ZSCAN5C: variants seen among roughly 807,000 people sequenced by gnomAD.
ZSCAN5C encodes the protein zinc finger and SCAN domain containing 5C.
In ZSCAN5C, 11 loss-of-function variants were observed where a neutral mutation model predicts 17.3. The observed-to-expected ratio is 0.64, with a 90% CI of 0.40 to 1.06. ZSCAN5C has a LOEUF of 1.06. Ranked by LOEUF, ZSCAN5C falls within the 50% of genes least tolerant of loss-of-function variation. The pLI is 0.00. For missense variants in ZSCAN5C, 698 were observed against 538.9 expected (o/e 1.30, Z -2.92); for synonymous variants, 229 against 208.4 (o/e 1.10, Z -0.85).
At chr19:56,208,786 G>A (rs1014260062) in exon 5 of ZSCAN5C, 2 of 1,586,254 alleles carry the variant, frequency 1.3e-6, no homozygotes, top group East Asian at 2.2e-5. Flanking sequence ...TTGCATGTGA[G>A]GTGTGCGGCA....
At chr19:56,205,932 T>A (rs750942557) in exon 2 of ZSCAN5C, 2 of 1,251,950 alleles carry the variant, frequency 1.6e-6, no homozygotes, top group Non-Finnish European at 1.2e-6. Context: ...AAATTGCACA[T>A]CCTCATGGAG....
chr19:56,207,824 T>C (rs1395494577), intron 3 of ZSCAN5C, among the ~76,000 whole-genome samples: 1 of 151,700 alleles, frequency 6.6e-6, no homozygotes, highest in Non-Finnish European at 1.5e-5. Flanking sequence ...TGCCAGGGGT[T>C]AGGGGCCTCC....
exon 2 of ZSCAN5C, chr19:56,206,050 A>C (rs113755664): frequency 1.2e-6 from 2 of 1,613,170 alleles, no homozygotes; most frequent in Non-Finnish European, 1.7e-6. Flanking sequence ...TGTCACGTGA[A>C]CTTCAGGATG....
At chr19:56,205,077 G>C (rs1340090461) in intron 1 of ZSCAN5C, among the ~76,000 whole-genome samples, 1 of 151,654 alleles carries the variant, frequency 6.6e-6, no homozygotes, top group African/African-American at 2.4e-5. Flanking sequence ...GGGCTGGGGT[G>C]GGTGGGCAGG....
intron 2 of ZSCAN5C, among the ~76,000 whole-genome samples, chr19:56,206,607 G>T (rs1217362587): frequency 6.6e-6 from 1 of 151,758 alleles, no homozygotes; most frequent in African/African-American, 2.4e-5. Context: ...AGGCAGAGGG[G>T]GTACAGGGAC....
chr19:56,205,817 A>G (rs1446291204), exon 2 of ZSCAN5C: 1 of 614,148 alleles, frequency 1.6e-6, no homozygotes, highest in Non-Finnish European at 2.9e-6. Flanking sequence ...TCTATTACTG[A>G]GAAAAACCAG....
At position 56,208,435 on chromosome 19, in the gene ZSCAN5C, A is replaced by G. The variant is rs931688524; in HGVS notation, c.740-14A>G. On this transcript the variant is annotated splice_polypyrimidine_tract_variant and intron_variant, in intron 4 of 4. Transcript: ENST00000534327. ...GCACCTTATTAACTGTGTGTGTGGA[A>G]TCCCTTCTTCCAGCAGGGGTGGTGG... 1 of 1,279,942 alleles carries G rather than the reference A, an allele frequency of 7.8e-7. No homozygotes were observed. Among genetic ancestry groups the G allele is most frequent in the Non-Finnish European group, 1.1e-6 (1 of 896,894 alleles). The allele number at this position is 1,279,942 out of a possible 1,614,324, so 79.3% of individuals were successfully genotyped here. A position where few individuals can be genotyped will look rare whatever the true frequency, so the allele number is the denominator to read the frequency against.
exon 4 of ZSCAN5C, chr19:56,208,052 C>G: frequency 1.3e-6 from 1 of 743,416 alleles, no homozygotes; most frequent in South Asian, 1.4e-5. Context: ...CTTCCTGCTG[C>G]CAGAGACTAC....
chr19:56,205,930 C>T (rs768031218), exon 2 of ZSCAN5C: 23 of 1,235,992 alleles, frequency 1.9e-5, no homozygotes, highest in Non-Finnish European at 2.5e-5. Flanking sequence ...GCAAATTGCA[C>T]ATCCTCATGG....
chr19:56,208,088 C>T, exon 4 of ZSCAN5C: 1 of 769,152 alleles, frequency 1.3e-6, no homozygotes, highest in Non-Finnish European at 2.4e-6. Context: ...CCCAAAGGCT[C>T]TGAGACCCAA....
intron 1 of ZSCAN5C, among the ~76,000 whole-genome samples, chr19:56,205,431 A>G (rs913681634): frequency 6.6e-5 from 10 of 151,942 alleles, no homozygotes; most frequent in African/African-American, 2.4e-4. Flanking sequence ...CTTGGATCTT[A>G]TCTTGATAAG....
chr19:56,204,712 C>T (rs550741676), intron 1 of ZSCAN5C, among the ~76,000 whole-genome samples: 19 of 151,946 alleles, frequency 1.3e-4, no homozygotes, highest in African/African-American at 4.1e-4. Context: ...CAAAGTCCTT[C>T]CAGGAAGTGT....
chr19:56,208,710 A>G (rs1223904265), exon 5 of ZSCAN5C: 1 of 1,612,694 alleles, frequency 6.2e-7, no homozygotes, highest in Admixed American at 1.7e-5. Context: ...AATCCAGTTC[A>G]TTCCCCAGGC....
intron 1 of ZSCAN5C, among the ~76,000 whole-genome samples, chr19:56,203,416 A>G (rs1176702187): frequency 2.6e-5 from 4 of 151,890 alleles, no homozygotes; most frequent in Admixed American, 1.3e-4. Flanking sequence ...GCCTTACTTT[A>G]TGGACTAATC....
intron 3 of ZSCAN5C, 25 bp from the exon 4 acceptor site, chr19:56,208,009 A>G (rs1178629301): frequency 1.4e-6 from 1 of 707,162 alleles, no homozygotes; most frequent in Non-Finnish European, 2.6e-6. Flanking sequence ...CATGGCAGTC[A>G]TTGCTGTTGG....
chr19:56,208,134 A>C, exon 4 of ZSCAN5C: 1 of 779,356 alleles, frequency 1.3e-6, no homozygotes, highest in Non-Finnish European at 2.4e-6. Context: ...GAAGACAGGG[A>C]GGAGAACCCA....
intron 1 of ZSCAN5C, among the ~76,000 whole-genome samples, chr19:56,204,394 G>A (rs970181301): frequency 6.6e-6 from 1 of 151,398 alleles, no homozygotes; most frequent in Admixed American, 6.6e-5. Flanking sequence ...GTGTCTTTTT[G>A]GGAACAGCCA....
chr19:56,208,190 T>G lies in ZSCAN5C; in HGVS notation c.739+6T>G. On this transcript the variant is annotated splice_donor_region_variant and intron_variant, in intron 4 of 4. Coordinates refer to ENST00000534327, the Ensembl canonical transcript of ZSCAN5C. ...TCAGCTTCCAAACAGTCCCAGTAAG[T>G]ATGAAGACTTACACCTGTGTGGAGA... 1.3e-6 allele frequency: 1 copy of G among 777,190 alleles called. No individual in the cohort carries two copies. The highest frequency in any genetic ancestry group is 2.4e-6 in the Non-Finnish European group (1 of 417,322). 48.1% of individuals were successfully genotyped at this position (777,190 alleles called of 1,614,324 possible).
chr19:56,208,873 C>CT lies in ZSCAN5C; in HGVS notation c.1165dup (p.Cys389LeufsTer27). 1.3e-6 allele frequency: 2 copies of CT among 1,592,546 alleles called. No homozygotes were observed. The highest frequency in any genetic ancestry group is 1.7e-6 in the Non-Finnish European group (2 of 1,162,170). ...GCGAGAGACTCTTTCAGTGTAATCTCTGCGGGAAGCGCTTCATGCAGCGCA... is the reference window on the plus strand; with the variant it reads ...GCGAGAGACTCTTTCAGTGTAATCTCTTGCGGGAAGCGCTTCATGCAGCGCA... On this transcript the variant is annotated frameshift_variant, in exon 5 of 5. Transcript: ENST00000534327. LOFTEE classifies it low-confidence loss of function (END_TRUNC).
Sources: allele counts gnomAD v4.1 joint callset (sites outside exome capture counted in the v4.1 genomes callset), GRCh38; gene constraint gnomAD v4.1.1; transcripts MANE v1.5; gene names NCBI Gene and HGNC (gene_info 2026-07-23, HGNC 2026-07-21).